Variants in USP26 observed in about 807,000 individuals in gnomAD.
USP26 encodes the protein ubiquitin carboxyl-terminal hydrolase 26.
For missense variants in USP26, 649 were observed against 642.3 expected (o/e 1.01, Z -0.11); for synonymous variants, 236 against 240.6 (o/e 0.98, Z 0.18).
At chrX:133,041,023 G>A (rs1036214047) in intron 5 of USP26, among the ~76,000 whole-genome samples, 2 of 109,781 alleles carry the variant, frequency 1.8e-5, no homozygotes, top group African/African-American at 6.6e-5. Flanking sequence ...AAGTTCTGCC[G>A]TGTTTTTCAG....
intron 5 of USP26, among the ~76,000 whole-genome samples, chrX:133,079,150 C>T: frequency 8.9e-6 from 1 of 111,848 alleles, no homozygotes; most frequent in Non-Finnish European, 1.9e-5. Flanking sequence ...TTAAATCACA[C>T]TCCAAAACCT....
chrX:133,027,909 G>C lies in USP26; in HGVS notation c.312C>G (p.Asn104Lys). The C allele has an allele frequency of 1.7e-6, 2 of 1,210,672 alleles. No homozygotes were observed. The highest frequency in any genetic ancestry group is 1.8e-5 in the South Asian group (1 of 56,818). The change falls in exon 6 of 6, where the codon AAC becomes AAG. Residue 104 changes from asparagine to lysine, a missense_variant. By Grantham distance (94) the Asn-to-Lys change is moderately conservative. Transcript: ENST00000511190. ...LKIFLDRVHQNEVQPPVRPGK... is the reference protein window; with the variant it reads ...LKIFLDRVHQKEVQPPVRPGK... ...CAGGTCTCACAGGTGGCTGAACCTC[G>C]TTTTGATGAACTCTGTCCAAGAATA...
rs2067358450 is a variant in USP26 at position 133,027,661 on chromosome X, C to T, written c.560G>A (p.Ser187Asn). Residue 187 changes from serine to asparagine, a missense_variant, in exon 6 of 6, where the codon AGC becomes AAC. Transcript: ENST00000511190. ...HKKRKRMLSS[S>N]SEMNEEFLKE... ...CAAGAATTCCTCATTCATCTCTGAG[C>T]TAGATGAGAGCATTCTTTTCCTCTT... The T allele has an allele frequency of 1.7e-6, 2 of 1,207,817 alleles. No homozygotes were observed. Among genetic ancestry groups the T allele is most frequent in the East Asian group, 5.9e-5 (2 of 33,841 alleles).
At chrX:133,051,869 T>C (rs748121345) in intron 5 of USP26, among the ~76,000 whole-genome samples, 1 of 112,375 alleles carries the variant, frequency 8.9e-6, no homozygotes, top group Non-Finnish European at 1.9e-5. Flanking sequence ...AAGCCTTAAA[T>C]AGAAATTTTG....
Position 133,024,948 on chromosome X carries a change from T to G in USP26, c.*531A>C, listed in dbSNP as rs1261622748. 2 of 112,229 alleles carry G rather than the reference T, an allele frequency of 1.8e-5. No individual in the cohort carries two copies. Among genetic ancestry groups the G allele is most frequent in the Admixed American group, 1.9e-4 (2 of 10,763 alleles). 9.2% of individuals were successfully genotyped at this position (112,229 alleles called of 1,213,427 possible). A position where few individuals can be genotyped will look rare whatever the true frequency, so the allele number is the denominator to read the frequency against. On this transcript the variant is annotated 3_prime_UTR_variant, in exon 6 of 6. Coordinates refer to ENST00000511190, the MANE Select transcript of USP26 (RefSeq NM_031907.3). ...CTTTTTAAACCACTGTATTAGAACA[T>G]GGAAAGAGGCAGGAAGATTGCTTGA...
rs35348009 is a variant in USP26, at chrX:133,025,031, C to CAAA, written c.*445_*447dup. 2.4e-4 allele frequency: 18 copies of CAAA among 73,575 alleles called. No homozygotes were observed. Among genetic ancestry groups the CAAA allele is most frequent in the African/African-American group, 6.8e-4 (15 of 21,938 alleles). 6.1% of individuals were successfully genotyped at this position (73,575 alleles called of 1,213,427 possible). A position where few individuals can be genotyped will look rare whatever the true frequency, so the allele number is the denominator to read the frequency against. ...AGTGAGACCCTGTCTCTGCAAAAAG[C>CAAA]AAAAAAAAAAAAAAAAATAGCTAGG... On this transcript the variant is annotated 3_prime_UTR_variant, in exon 6 of 6. Coordinates refer to ENST00000511190, the MANE Select transcript of USP26 (RefSeq NM_031907.3).
At chrX:133,049,830 C>T (rs925100032) in intron 5 of USP26, among the ~76,000 whole-genome samples, 1 of 112,074 alleles carries the variant, frequency 8.9e-6, no homozygotes, top group African/African-American at 3.2e-5. Flanking sequence ...TCACCTCTAG[C>T]TATAGCCACA....
intron 5 of USP26, among the ~76,000 whole-genome samples, chrX:133,063,507 C>G (rs1006685695): frequency 4.5e-5 from 5 of 111,557 alleles, no homozygotes; most frequent in African/African-American, 1.6e-4. Flanking sequence ...CAAAGGGAAG[C>G]CCATCACACT....
At chrX:133,070,896 G>A (rs1450695690) in intron 5 of USP26, among the ~76,000 whole-genome samples, 2 of 111,503 alleles carry the variant, frequency 1.8e-5, no homozygotes, top group East Asian at 2.8e-4. Context: ...ACAGCTTGAA[G>A]CCTCAGTTAT....
intron 5 of USP26, among the ~76,000 whole-genome samples, chrX:133,082,115 G>A (rs886628108): frequency 1.8e-5 from 2 of 111,515 alleles, no homozygotes; most frequent in Non-Finnish European, 3.8e-5. Flanking sequence ...GAAGGGAGAA[G>A]CAGACAGGAG....
intron 5 of USP26, among the ~76,000 whole-genome samples, chrX:133,035,124 C>A: frequency 9.0e-6 from 1 of 111,396 alleles, no homozygotes; most frequent in South Asian, 3.8e-4. Context: ...ACACTGGTGC[C>A]TGACTGAAAC....
chrX:133,033,534 C>T (rs967811812), intron 5 of USP26, among the ~76,000 whole-genome samples: 2 of 112,274 alleles, frequency 1.8e-5, no homozygotes, highest in African/African-American at 6.5e-5. Context: ...ATTAATACAA[C>T]ATAGTTGATT....
At chrX:133,070,337 CCTCTT>C (rs2067526719) in intron 5 of USP26, among the ~76,000 whole-genome samples, 1 of 111,105 alleles carries the variant, frequency 9.0e-6, no homozygotes, top group Non-Finnish European at 1.9e-5. Flanking sequence ...GTATTTCTGT[CCTCTT>C]CTCCAGTGTG....
intron 5 of USP26, among the ~76,000 whole-genome samples, chrX:133,054,054 T>C (rs2067468205): frequency 9.0e-6 from 1 of 111,519 alleles, no homozygotes; most frequent in Non-Finnish European, 1.9e-5. Flanking sequence ...ATTTGTTGTT[T>C]CAGTAACTAA....
At position 133,027,518 on chromosome X, in the gene USP26, A is replaced by G; in HGVS notation, c.703T>C (p.Cys235Arg). 1 of 1,210,891 alleles carries G rather than the reference A, an allele frequency of 8.3e-7. No individual in the cohort carries two copies. The highest frequency in any genetic ancestry group is 2.3e-4 in the Middle Eastern group (1 of 4,352). The stretch of plus-strand genomic sequence containing the variant: ...GCGTTCATGATGCATGAAGATTCAC[A>G]TTCCAATTTCTTATTCTCTTCTAAC... ...KELEENKKLE[C>R]ESSCIMNATG... The change falls in exon 6 of 6, where the codon TGT (cysteine) becomes CGT (arginine). Residue 235 changes from cysteine (C) to arginine (R), a missense_variant. Cys to Arg is a radical substitution (Grantham distance 180). Transcript: ENST00000511190.
Position 133,026,509 on chromosome X carries a change from T to C in USP26, c.1712A>G (p.Gln571Arg). 1 of 1,209,539 alleles carries C rather than the reference T, an allele frequency of 8.3e-7. No homozygotes were observed. The highest frequency in any genetic ancestry group is 1.7e-5 in the African/African-American group (1 of 57,259). The change falls in exon 6 of 6, where the codon CAA becomes CGA. Residue 571 changes from glutamine to arginine, a missense_variant. Physicochemically the swap from Gln to Arg is conservative, Grantham distance 43. Coordinates refer to ENST00000511190, the MANE Select transcript of USP26 (RefSeq NM_031907.3). ...LSEDGEITDF[Q>R]LLKVIRKMTS... Reference sequence around the variant, plus strand: ...CATCTTTCGAATAACTTTTAATAATTGGAAATCTGTAATTTCTCCATCCTC... The same window carrying C: ...CATCTTTCGAATAACTTTTAATAATCGGAAATCTGTAATTTCTCCATCCTC...
rs2067356312 is a variant in USP26, at chrX:133,027,361, T to C, written c.860A>G (p.Glu287Gly). The stretch of plus-strand genomic sequence containing the variant: ...GTGGCATATTTTCTCTGGAAATAAT[T>C]CAAAAAATAGTTTTAATTTATCCCA... ...TKWDKLKLFF[E>G]LFPEKICHGL... is the part of the protein sequence containing the mutation. The change falls in exon 6 of 6, where the codon GAA becomes GGA. Residue 287 changes from glutamate (E) to glycine (G), a missense_variant. Physicochemically the swap from Glu to Gly is moderately conservative, Grantham distance 98 (BLOSUM62 -2). Coordinates refer to ENST00000511190, the MANE Select transcript of USP26 (RefSeq NM_031907.3). 5.0e-6 allele frequency: 6 copies of C among 1,211,101 alleles called. No individual in the cohort carries two copies. In the East Asian group the frequency reaches 1.8e-4, roughly 36 times the overall value.
chrX:133,069,245 A>G (rs771304388), intron 5 of USP26, among the ~76,000 whole-genome samples: 8 of 112,216 alleles, frequency 7.1e-5, no homozygotes, highest in African/African-American at 2.6e-4. Context: ...ATGGCATTCC[A>G]AGAGAAGGAG....
chrX:133,045,553 C>T (rs113963673), intron 5 of USP26, among the ~76,000 whole-genome samples: 2,727 of 111,919 alleles, frequency 0.024, 38 homozygotes, highest in Middle Eastern at 0.06. Flanking sequence ...TAACATTCAT[C>T]GCAAAGGTCT....
Sources: allele counts gnomAD v4.1 joint callset (sites outside exome capture counted in the v4.1 genomes callset), GRCh38; gene constraint gnomAD v4.1.1; transcripts MANE v1.5; gene names NCBI Gene and HGNC (gene_info 2026-07-23, HGNC 2026-07-21).